The following SLC15A5 variants were observed in gnomAD, a reference collection of about 807,000 sequenced individuals.
SLC15A5 encodes Peptide/histidine transporter ENSP00000340402.
A neutral mutation model predicts 56.1 loss-of-function variants in SLC15A5; 58 were observed. The ratio of observed to expected loss-of-function variants is 1.03; its 90% CI spans 0.84 to 1.29. SLC15A5 has a LOEUF of 1.29. SLC15A5 is among the 50% of genes most tolerant of loss of function. SLC15A5 has a pLI of 0.00. For missense variants in SLC15A5, 681 were observed against 672.1 expected (o/e 1.01, Z -0.15); for synonymous variants, 264 against 250.5 (o/e 1.05, Z -0.51).
intron 2 of SLC15A5, among the ~76,000 whole-genome samples, chr12:16,258,841 A>G (rs1864606630): frequency 6.6e-6 from 1 of 152,076 alleles, no homozygotes; most frequent in Non-Finnish European, 1.5e-5. Context: ...GCCATATAAC[A>G]TAATTAGGGG....
In SLC15A5 at chr12:16,277,588, G is replaced by A. The variant is rs1281939426; in HGVS notation, c.98C>T (p.Ser33Phe). 1.3e-6 allele frequency: 2 copies of A among 1,536,430 alleles called. No individual in the cohort carries two copies. Among genetic ancestry groups the A allele is most frequent in the Non-Finnish European group, 1.7e-6 (2 of 1,146,374 alleles). The change falls in exon 1 of 9, where the codon TCC (serine) becomes TTC (phenylalanine). Residue 33 changes from serine to phenylalanine, a missense_variant. Ser to Phe is a radical substitution (Grantham distance 155). Coordinates refer to ENST00000344941, the MANE Select transcript of SLC15A5 (RefSeq NM_001170798.1). ...KTVRHIGDLC[S>F]SHSVKKIQVG... ...CTGAATTTTTTTCACAGAGTGTGAG[G>A]AACACAAATCGCCAATATGTCTTAC...
chr12:16,257,105 C>T (rs1864584371), intron 3 of SLC15A5, among the ~76,000 whole-genome samples: 1 of 151,916 alleles, frequency 6.6e-6, no homozygotes. Flanking sequence ...TTTTCTTCCT[C>T]CACAAACACA....
intron 7 of SLC15A5, among the ~76,000 whole-genome samples, chr12:16,199,157 A>C (rs1339370187): frequency 1.3e-5 from 2 of 151,990 alleles, no homozygotes; most frequent in African/African-American, 4.8e-5. Context: ...TTGTTACTAC[A>C]AAGCCTGCCC....
chr12:16,202,817 G>A (rs2136240498), intron 7 of SLC15A5, among the ~76,000 whole-genome samples: 1 of 152,266 alleles, frequency 6.6e-6, no homozygotes, highest in South Asian at 2.1e-4. Flanking sequence ...GTGACAATAT[G>A]GATGAATCTA....
At chr12:16,276,130 A>G (rs951290601) in intron 1 of SLC15A5, among the ~76,000 whole-genome samples, 4 of 152,048 alleles carry the variant, frequency 2.6e-5, no homozygotes, top group Non-Finnish European at 5.9e-5. Context: ...GTAGTCAATA[A>G]GAAATATTTG....
intron 6 of SLC15A5, among the ~76,000 whole-genome samples, chr12:16,219,875 G>A (rs1430394229): frequency 3.9e-5 from 6 of 152,096 alleles, no homozygotes; most frequent in Non-Finnish European, 1.5e-5. Flanking sequence ...AATATTCAGT[G>A]TGTACGTGAA....
intron 6 of SLC15A5, among the ~76,000 whole-genome samples, chr12:16,217,867 G>T (rs967106801): frequency 7.3e-5 from 11 of 151,380 alleles, no homozygotes; most frequent in Non-Finnish European, 1.6e-4. Context: ...TTTGGGTGCC[G>T]GTAATGATAG....
intron 7 of SLC15A5, among the ~76,000 whole-genome samples, chr12:16,214,620 C>T (rs906032147): frequency 6.6e-6 from 1 of 152,132 alleles, no homozygotes; most frequent in Non-Finnish European, 1.5e-5. Flanking sequence ...CTCAGGTGAG[C>T]TCACCTGGTT....
At chr12:16,204,139 T>C (rs1423102319) in intron 7 of SLC15A5, among the ~76,000 whole-genome samples, 1 of 152,088 alleles carries the variant, frequency 6.6e-6, no homozygotes, top group East Asian at 1.9e-4. Context: ...ACTTACAAGT[T>C]TTACTCATTT....
chr12:16,207,090 T>C (rs944908978), intron 7 of SLC15A5, among the ~76,000 whole-genome samples: 8 of 152,190 alleles, frequency 5.3e-5, no homozygotes, highest in African/African-American at 7.2e-5. Context: ...CAAATGAATA[T>C]ATCTGATATT....
intron 7 of SLC15A5, among the ~76,000 whole-genome samples, chr12:16,212,543 T>C (rs1204480170): frequency 6.6e-6 from 1 of 152,166 alleles, no homozygotes; most frequent in Non-Finnish European, 1.5e-5. Context: ...AAGTCTCCTG[T>C]GATGTCATTT....
intron 7 of SLC15A5, among the ~76,000 whole-genome samples, chr12:16,211,452 G>A (rs1273053297): frequency 2.0e-5 from 3 of 152,014 alleles, no homozygotes; most frequent in Non-Finnish European, 4.4e-5. Context: ...GAACTTGTAG[G>A]GACAAGAAGA....
chr12:16,263,799 C>A (rs1284685768), intron 2 of SLC15A5, among the ~76,000 whole-genome samples: 1 of 152,178 alleles, frequency 6.6e-6, no homozygotes, highest in Non-Finnish European at 1.5e-5. Context: ...ATGGAAACCC[C>A]AAGCCTTGGC....
chr12:16,212,361 C>A (rs527811118), intron 7 of SLC15A5, among the ~76,000 whole-genome samples: 1 of 152,184 alleles, frequency 6.6e-6, no homozygotes, highest in African/African-American at 2.4e-5. Context: ...CTGACCTACC[C>A]AAAGCCATGC....
At chr12:16,230,663 C>T (rs1279178250) in intron 5 of SLC15A5, among the ~76,000 whole-genome samples, 1 of 151,452 alleles carries the variant, frequency 6.6e-6, no homozygotes, top group East Asian at 1.9e-4. Context: ...CCTGTAATCC[C>T]AGCATTTTGG....
intron 5 of SLC15A5, among the ~76,000 whole-genome samples, chr12:16,236,697 C>G (rs1864355250): frequency 1.3e-5 from 2 of 152,122 alleles, no homozygotes; most frequent in Non-Finnish European, 2.9e-5. Context: ...CCATCTGCCT[C>G]CTTAAACATG....
intron 5 of SLC15A5, among the ~76,000 whole-genome samples, chr12:16,224,995 A>G (rs950156155): frequency 3.4e-5 from 5 of 148,742 alleles, no homozygotes; most frequent in African/African-American, 1.2e-4. Context: ...TTTTGTCCTT[A>G]TGATAGTTTG....
Position 16,277,599 on chromosome 12 carries a change from G to T in SLC15A5, c.87C>A (p.Gly29=), listed in dbSNP as rs776441301. The change falls in exon 1 of 9, where the codon GGC becomes GGA. Residue 29 remains glycine (G), a synonymous_variant. Coordinates refer to ENST00000344941, the MANE Select transcript of SLC15A5 (RefSeq NM_001170798.1). ...TCACAGAGTGTGAGGAACACAAATC[G>T]CCAATATGTCTTACAGTTTTCTCCT... The part of the protein sequence containing the change: ...IEKEKTVRHI[G]DLCSSHSVKK... The T allele has an allele frequency of 1.3e-6, 2 of 1,536,312 alleles. No homozygotes were observed. The highest frequency in any genetic ancestry group is 2.4e-5 in the South Asian group (2 of 84,022).
At chr12:16,219,068 G>A (rs1208791321) in intron 6 of SLC15A5, among the ~76,000 whole-genome samples, 9 of 152,258 alleles carry the variant, frequency 5.9e-5, no homozygotes, top group Middle Eastern at 3.4e-3. Context: ...AAAGTGCTCA[G>A]TGCTGGAACT....
Sources: allele counts gnomAD v4.1 joint callset (sites outside exome capture counted in the v4.1 genomes callset), GRCh38; gene constraint gnomAD v4.1.1; transcripts MANE v1.5; gene names NCBI Gene and HGNC (gene_info 2026-07-23, HGNC 2026-07-21).